PPM1H: variants seen among roughly 807,000 people sequenced by gnomAD.
The protein encoded by PPM1H is protein phosphatase 1H.
PPM1H carries 27 observed loss-of-function variants against 54.9 expected under a neutral mutation model. That is an observed-to-expected ratio of 0.49 (90% CI 0.36 to 0.68). The LOEUF (loss-of-function observed/expected upper bound fraction) is 0.68. Ranked by LOEUF, PPM1H falls within the 30% of genes least tolerant of loss-of-function variation. The probability of loss-of-function intolerance (pLI) is 0.00; values close to 1 mark genes in which losing one functional copy is unlikely to be tolerated. For missense variants in PPM1H, 596 were observed against 667.8 expected (o/e 0.89, Z 1.19); for synonymous variants, 305 against 270.8 (o/e 1.13, Z -1.24).
chr12:62,896,178 C>T (rs1364434596), intron 1 of PPM1H, among the ~76,000 whole-genome samples: 1 of 152,114 alleles, frequency 6.6e-6, no homozygotes, highest in Non-Finnish European at 1.5e-5. Context: ...AAAAAATTGC[C>T]AGTGTTATGG....
At chr12:62,902,089 G>A (rs568532686) in intron 1 of PPM1H, among the ~76,000 whole-genome samples, 1 of 152,168 alleles carries the variant, frequency 6.6e-6, no homozygotes, top group East Asian at 1.9e-4. Context: ...TTGGCCAGGC[G>A]CGGTGGCCCA....
chr12:62,877,852 G>T (rs184553003), intron 1 of PPM1H, among the ~76,000 whole-genome samples: 7 of 152,296 alleles, frequency 4.6e-5, no homozygotes, highest in African/African-American at 1.7e-4. Flanking sequence ...AGGAAAGCTT[G>T]CCCAGACATT....
chr12:62,739,804 G>T lies in PPM1H; in HGVS notation c.870-2218C>A, dbSNP rs183377852. 3.8e-4 allele frequency among the ~76,000 whole-genome samples: 58 copies of T among 152,290 alleles called. 1 individual carries two copies. The highest frequency in any genetic ancestry group is 2.6e-3 in the Admixed American group (40 of 15,310). On this transcript the variant is annotated intron_variant, in intron 4 of 9. Coordinates refer to ENST00000228705, the MANE Select transcript of PPM1H (RefSeq NM_020700.2). The stretch of plus-strand genomic sequence containing the variant: ...GTTCCTTGAATTTGAGGCCCGAAGA[G>T]AAAAGAACTAAAAGGCAGCAGATGT...
At chr12:62,747,776 T>C (rs1249375866) in intron 4 of PPM1H, among the ~76,000 whole-genome samples, 1 of 152,184 alleles carries the variant, frequency 6.6e-6, no homozygotes, top group Admixed American at 6.5e-5. Context: ...TATGTAAACA[T>C]GGCATGGAGA....
intron 2 of PPM1H, among the ~76,000 whole-genome samples, chr12:62,817,579 G>C (rs915752700): frequency 2.0e-5 from 3 of 152,054 alleles, no homozygotes; most frequent in African/African-American, 7.2e-5. Flanking sequence ...ATGAATAAAA[G>C]GCTGCTCCTA....
intron 9 of PPM1H, among the ~76,000 whole-genome samples, chr12:62,664,777 T>G (rs145757041): frequency 2.6e-5 from 4 of 152,224 alleles, no homozygotes; most frequent in African/African-American, 7.2e-5. Context: ...CTGTAGAAAT[T>G]TCTTCAGAAG....
At chr12:62,912,100 C>T (rs1035852548) in intron 1 of PPM1H, among the ~76,000 whole-genome samples, 1 of 152,208 alleles carries the variant, frequency 6.6e-6, no homozygotes, top group African/African-American at 2.4e-5. Context: ...TTTCACAATA[C>T]TCTTGAGCCT....
At chr12:62,722,260 A>C (rs534405000) in intron 5 of PPM1H, among the ~76,000 whole-genome samples, 1 of 152,340 alleles carries the variant, frequency 6.6e-6, no homozygotes, top group South Asian at 2.1e-4. Flanking sequence ...TTGTATCAGC[A>C]TGAATACAAT....
intron 5 of PPM1H, among the ~76,000 whole-genome samples, chr12:62,726,632 G>A (rs771502055): frequency 4.6e-5 from 7 of 152,264 alleles, no homozygotes; most frequent in East Asian, 3.9e-4. Context: ...TGTGGAAGCC[G>A]CAGATTCCCA....
At chr12:62,744,217 T>A (rs1475870103) in intron 4 of PPM1H, among the ~76,000 whole-genome samples, 5 of 147,158 alleles carry the variant, frequency 3.4e-5, no homozygotes, top group African/African-American at 1.0e-4. Context: ...ACACCTGTAA[T>A]CCCAGCACTT....
chr12:62,684,605 A>G (rs2076041313), intron 8 of PPM1H, among the ~76,000 whole-genome samples: 1 of 152,164 alleles, frequency 6.6e-6, no homozygotes, highest in African/African-American at 2.4e-5. Context: ...TCAGAATTCA[A>G]ACACATTCCA....
intron 9 of PPM1H, among the ~76,000 whole-genome samples, chr12:62,653,625 G>C (rs2075827369): frequency 6.6e-6 from 1 of 152,200 alleles, no homozygotes; most frequent in Non-Finnish European, 1.5e-5. Flanking sequence ...TTCATGGTGA[G>C]TGTGAAGAAG....
rs535535016 is a variant in PPM1H, at chr12:62,874,576, C to A, written c.246-42297G>T. Among the ~76,000 whole-genome samples the A allele has an allele frequency of 2.6e-5, 4 of 152,130 alleles. No homozygotes were observed. In the South Asian group the frequency reaches 8.3e-4, roughly 32 times the overall value. On this transcript the variant is annotated intron_variant, in intron 1 of 9. Coordinates refer to ENST00000228705, the MANE Select transcript of PPM1H (RefSeq NM_020700.2). ...AGGCACTCCCCAAAGACCACTGCAA[C>A]AACCTTCCTAAGCTATTACCAAGAA... is the stretch of plus-strand genomic sequence containing the variant.
chr12:62,766,566 C>CAA (rs145714301), intron 4 of PPM1H, among the ~76,000 whole-genome samples: 55 of 149,180 alleles, frequency 3.7e-4, no homozygotes, highest in African/African-American at 1.1e-3. Context: ...GCCACAGAAA[C>CAA]AAAAAAAAAA....
chr12:62,867,618 C>T (rs1869829262), intron 1 of PPM1H, among the ~76,000 whole-genome samples: 1 of 121,264 alleles, frequency 8.2e-6, no homozygotes, highest in Non-Finnish European at 1.6e-5. Context: ...CACTCTGTCA[C>T]CCAGGCTGGA....
At position 62,793,740 on chromosome 12, in the gene PPM1H, CAAAAAAA is replaced by C. The variant is rs34457644; in HGVS notation, c.757-5409_757-5403del. Among the ~76,000 whole-genome samples, 127 of 61,228 alleles carry C rather than the reference CAAAAAAA, an allele frequency of 2.1e-3. 1 individual carries two copies. Among genetic ancestry groups the C allele is most frequent in the African/African-American group, 5.7e-3 (100 of 17,592 alleles). 40.2% of individuals were successfully genotyped at this position (61,228 alleles called of 152,430 possible). On this transcript the variant is annotated intron_variant, in intron 3 of 9. Transcript: ENST00000228705. ...GGGCAACAAGAGAGAAACTCCGTTTCAAAAAAAAAAAAAAAAAAAAAAGGCAAACAGA... is the reference window on the plus strand; with the variant it reads ...GGGCAACAAGAGAGAAACTCCGTTTCAAAAAAAAAAAAAAAGGCAAACAGA...
intron 1 of PPM1H, among the ~76,000 whole-genome samples, chr12:62,923,278 C>G (rs533192212): frequency 2.0e-5 from 3 of 152,172 alleles, no homozygotes; most frequent in Non-Finnish European, 4.4e-5. Flanking sequence ...TGGGTACACA[C>G]ACAGATAAAT....
chr12:62,830,533 G>A (rs577134377), intron 2 of PPM1H, among the ~76,000 whole-genome samples: 1 of 152,276 alleles, frequency 6.6e-6, no homozygotes, highest in Admixed American at 6.5e-5. Context: ...GGGATTACAG[G>A]CGTGAGCCAC....
intron 6 of PPM1H, among the ~76,000 whole-genome samples, chr12:62,718,105 A>G (rs11174620): frequency 6.6e-6 from 1 of 152,082 alleles, no homozygotes; most frequent in African/African-American, 2.4e-5. Flanking sequence ...TACCTCCTTT[A>G]TTCCTTTCAG....
Sources: gnomAD v4.1 joint callset for allele counts (sites outside exome capture counted in the v4.1 genomes callset) on GRCh38, gnomAD v4.1.1 for gene constraint, MANE v1.5 for transcripts, NCBI Gene and HGNC (gene_info 2026-07-23, HGNC 2026-07-21) for gene names.